RMP24: variants seen among roughly 807,000 people sequenced by gnomAD.
RMP24 encodes ribonuclease MRP subunit p24, also known as ribonuclease MRP protein subunit p24.
chr18:35,977,493 T>A, the RMP24 span: 1 of 1,614,194 alleles, frequency 6.2e-7, no homozygotes, highest in East Asian at 2.2e-5. Context: ...AGAGCAATCC[T>A]GCCACTCCTA....
the RMP24 span, chr18:35,977,477 C>T: frequency 2.5e-6 from 4 of 1,613,966 alleles, no homozygotes; most frequent in Admixed American, 3.3e-5. Context: ...TTTGTGTCAA[C>T]ATTGAAGAGC....
the RMP24 span, among the ~76,000 whole-genome samples, chr18:35,976,736 C>T: frequency 6.6e-6 from 1 of 152,094 alleles, no homozygotes; most frequent in Non-Finnish European, 1.5e-5. Context: ...TGAAGTTCAT[C>T]TGCAAAAAAA....
chr18:35,975,101 A>T, the RMP24 span: 213 of 1,609,818 alleles, frequency 1.3e-4, 1 homozygote, highest in East Asian at 4.1e-3. Flanking sequence ...TATTGGTAAG[A>T]TTTCAGTTCC....
chr18:35,975,789 C>T, the RMP24 span, among the ~76,000 whole-genome samples: 3 of 152,170 alleles, frequency 2.0e-5, no homozygotes, highest in Non-Finnish European at 2.9e-5. Context: ...CAGCTTATGT[C>T]TGGCCTAAGA....
the RMP24 span, chr18:35,973,036 G>A: frequency 5.5e-6 from 7 of 1,269,108 alleles, no homozygotes; most frequent in East Asian, 1.2e-4. Context: ...AAGCCCGCAT[G>A]TGTCTCGGTT....
chr18:35,972,906 C>T, the RMP24 span: 3 of 1,614,182 alleles, frequency 1.9e-6, no homozygotes, highest in East Asian at 4.5e-5. Flanking sequence ...CTTCGTCGCA[C>T]GGTAAGAAGA....
the RMP24 span, chr18:35,974,931 T>G: frequency 1.2e-6 from 2 of 1,614,076 alleles, no homozygotes; most frequent in Non-Finnish European, 1.7e-6. Flanking sequence ...GTGTCCATAC[T>G]GTTTCCAGCT....
the RMP24 span, chr18:35,978,840 C>G: frequency 3.8e-6 from 6 of 1,585,888 alleles, no homozygotes; most frequent in South Asian, 1.2e-5. Flanking sequence ...TTCAGAACAC[C>G]TACATCTGGA....
chr18:35,973,653 G>T, the RMP24 span: 1 of 152,294 alleles, frequency 6.6e-6, no homozygotes, highest in African/African-American at 2.4e-5. Flanking sequence ...AGGAGCGGTG[G>T]CTCACCCCTG....
chr18:35,978,695 G>T, the RMP24 span: 1 of 699,782 alleles, frequency 1.4e-6, no homozygotes, highest in Non-Finnish European at 2.2e-6. Flanking sequence ...AGAAATTCCT[G>T]AGGAAATCTA....
At chr18:35,978,517 G>A in the RMP24 span, among the ~76,000 whole-genome samples, 2 of 152,154 alleles carry the variant, frequency 1.3e-5, no homozygotes, top group South Asian at 2.1e-4. Flanking sequence ...AGGCTGAGGC[G>A]GGAGAACTGC....
chr18:35,978,968 A>G, the RMP24 span: 4 of 1,610,756 alleles, frequency 2.5e-6, no homozygotes, highest in African/African-American at 5.4e-5. Context: ...GGACTTCAGA[A>G]ATTTCTTATC....
At chr18:35,972,895 A>C in the RMP24 span, 2 of 1,614,124 alleles carry the variant, frequency 1.2e-6, no homozygotes, top group Non-Finnish European at 1.7e-6. Context: ...CTGGGCCTAC[A>C]CTTCGTCGCA....
At chr18:35,977,559 C>T in the RMP24 span, 1 of 1,614,090 alleles carries the variant, frequency 6.2e-7, no homozygotes, top group Non-Finnish European at 8.5e-7. Context: ...CAAATCATGA[C>T]ATGTCTGGCT....
chr18:35,976,825 C>G, the RMP24 span, among the ~76,000 whole-genome samples: 1 of 152,194 alleles, frequency 6.6e-6, no homozygotes, highest in East Asian at 1.9e-4. Context: ...TCCCAAATTC[C>G]CACCAAACAT....
chr18:35,978,802 G>A, the RMP24 span: 4 of 1,529,438 alleles, frequency 2.6e-6, no homozygotes, highest in African/African-American at 1.4e-5. Context: ...GTCATTTGTT[G>A]GTATAACTAA....
chr18:35,978,270 C>T, the RMP24 span, among the ~76,000 whole-genome samples: 1 of 152,218 alleles, frequency 6.6e-6, no homozygotes, highest in African/African-American at 2.4e-5. Context: ...CCCTATCTGG[C>T]ACCAGTCTGT....
chr18:35,978,941 C>T, the RMP24 span: 1 of 1,612,522 alleles, frequency 6.2e-7, no homozygotes, highest in Non-Finnish European at 8.5e-7. Flanking sequence ...GAATGAATCC[C>T]AAAAGATTCC....
At chr18:35,979,030 A>T in the RMP24 span, 1 of 1,541,772 alleles carries the variant, frequency 6.5e-7, no homozygotes, top group Non-Finnish European at 8.7e-7. Flanking sequence ...TCAATTCTGA[A>T]ACTAAAGTTG....
Sources: allele counts gnomAD v4.1 joint callset (sites outside exome capture counted in the v4.1 genomes callset), GRCh38; gene constraint gnomAD v4.1.1; transcripts MANE v1.5; gene names NCBI Gene and HGNC (gene_info 2026-07-23, HGNC 2026-07-21).